The following SERPINE2 variants were observed in gnomAD, a reference collection of about 807,000 sequenced individuals.
The protein encoded by SERPINE2 is glia-derived nexin.
Under a neutral mutation model 36.3 loss-of-function variants are expected in SERPINE2, and 14 were observed. The observed-to-expected ratio is 0.39, with a 90% CI of 0.25 to 0.60. The LOEUF is 0.60. SERPINE2 is among the 20% of genes least tolerant of loss of function. The pLI is 0.57. For synonymous variants in SERPINE2, 192 were observed against 191.8 expected, an observed-to-expected ratio of 1.00 and a Z score of -0.01; for missense variants, 418 against 499.6, an observed-to-expected ratio of 0.84 and a Z score of 1.56.
chr2:224,002,536 A>C (rs2106165914), intron 1 of SERPINE2, among the ~76,000 whole-genome samples: 1 of 152,100 alleles, frequency 6.6e-6, no homozygotes, highest in Non-Finnish European at 1.5e-5. Context: ...TCTGCTGCCC[A>C]GGCTGGAGTG....
chr2:224,036,642 T>TAA lies in SERPINE2; in HGVS notation c.-23+2455_-23+2456dup, dbSNP rs59322455. Among the ~76,000 whole-genome samples, 1,423 of 142,710 alleles carry TAA rather than the reference T, an allele frequency of 1.0e-2. 27 individuals carry two copies. Among genetic ancestry groups the TAA allele is most frequent in the East Asian group, 0.061 (299 of 4,876 alleles). 93.6% of individuals were successfully genotyped at this position (142,710 alleles called of 152,430 possible). A position where few individuals can be genotyped will look rare whatever the true frequency, so the allele number is the denominator to read the frequency against. On this transcript the variant is annotated intron_variant, in intron 1 of 8. Coordinates refer to ENST00000409304, the MANE Select transcript of SERPINE2 (RefSeq NM_001136528.2). ...GAGCTTAAAGCATATTAATAAAAATTAAAAAAAAAAAAAAAAGATTGCTTG... is the reference window on the plus strand; with the variant it reads ...GAGCTTAAAGCATATTAATAAAAATTAAAAAAAAAAAAAAAAAAGATTGCTTG...
chr2:224,000,840 T>C (rs572994244), intron 2 of SERPINE2, among the ~76,000 whole-genome samples: 6 of 152,318 alleles, frequency 3.9e-5, no homozygotes, highest in Non-Finnish European at 7.4e-5. Context: ...GCTTCATCCA[T>C]GTCCCTGCAA....
At chr2:223,986,472 C>T (rs534442395) in intron 4 of SERPINE2, among the ~76,000 whole-genome samples, 16 of 152,024 alleles carry the variant, frequency 1.1e-4, no homozygotes, top group South Asian at 6.2e-4. Flanking sequence ...TCAGCAGAAA[C>T]GGAAAAATCA....
At chr2:224,006,689 G>A (rs973912091) in intron 1 of SERPINE2, among the ~76,000 whole-genome samples, 15 of 152,192 alleles carry the variant, frequency 9.9e-5, no homozygotes, top group African/African-American at 2.2e-4. Context: ...AGGTTGACCC[G>A]TGGGACTAAT....
chr2:223,999,157 TG>T (rs1260110958), intron 2 of SERPINE2, among the ~76,000 whole-genome samples: 5 of 152,168 alleles, frequency 3.3e-5, no homozygotes, highest in Non-Finnish European at 7.4e-5. Flanking sequence ...AAAATTACCA[TG>T]GGCCACCATC....
intron 1 of SERPINE2, among the ~76,000 whole-genome samples, chr2:224,019,263 GT>G (rs34907719): frequency 0.94 from 143,709 of 152,122 alleles, 68,237 homozygotes; most frequent in Non-Finnish European, 0.99. Flanking sequence ...AAAATATATT[GT>G]TTTTTATATA....
chr2:224,028,658 G>T (rs1473061366), intron 1 of SERPINE2, among the ~76,000 whole-genome samples: 2 of 152,200 alleles, frequency 1.3e-5, no homozygotes, highest in Non-Finnish European at 2.9e-5. Context: ...AACCAGGAAT[G>T]ATTTCTACCT....
intron 1 of SERPINE2, among the ~76,000 whole-genome samples, chr2:224,021,157 C>T (rs965836214): frequency 2.0e-5 from 3 of 152,126 alleles, no homozygotes; most frequent in Admixed American, 2.0e-4. Context: ...TAGCTGTTGC[C>T]CTGGCGTTAG....
At chr2:224,016,898 G>A (rs1287603013) in intron 1 of SERPINE2, among the ~76,000 whole-genome samples, 1 of 152,204 alleles carries the variant, frequency 6.6e-6, no homozygotes, top group Non-Finnish European at 1.5e-5. Flanking sequence ...GTAATTCCAT[G>A]TATATAACAT....
At chr2:224,034,475 A>G (rs840087) in intron 1 of SERPINE2, among the ~76,000 whole-genome samples, 94,512 of 151,814 alleles carry the variant, frequency 0.62, 29,824 homozygotes, top group South Asian at 0.71. Context: ...GGACAAGGCA[A>G]GGAGATGGGA....
chr2:224,021,186 T>G (rs754058266), intron 1 of SERPINE2, among the ~76,000 whole-genome samples: 5 of 152,174 alleles, frequency 3.3e-5, no homozygotes, highest in Non-Finnish European at 7.3e-5. Context: ...TTGACATTCT[T>G]GGCAGTTGAT....
At chr2:224,001,989 T>TTC in intron 1 of SERPINE2, 67 bp from the exon 2 acceptor site, 1 of 1,360,346 alleles carries the variant, frequency 7.4e-7, no homozygotes, top group Non-Finnish European at 9.7e-7. Context: ...TTTTTTTTTT[T>TTC]TCCCCCAGAT....
intron 4 of SERPINE2, among the ~76,000 whole-genome samples, chr2:223,991,173 T>C (rs749272843): frequency 6.6e-6 from 1 of 152,226 alleles, no homozygotes; most frequent in African/African-American, 2.4e-5. Flanking sequence ...TTTCCATTTA[T>C]ATAAATCTAA....
At chr2:224,002,130 C>A (rs189216452) in intron 1 of SERPINE2, among the ~76,000 whole-genome samples, 1 of 151,940 alleles carries the variant, frequency 6.6e-6, no homozygotes, top group Non-Finnish European at 1.5e-5. Context: ...GCGTGTACCA[C>A]CATACACGGC....
intron 8 of SERPINE2, among the ~76,000 whole-genome samples, chr2:223,976,196 G>C (rs111899800): frequency 6.6e-6 from 1 of 152,082 alleles, no homozygotes; most frequent in East Asian, 1.9e-4. Flanking sequence ...TGTCACCCAG[G>C]CTGGAGTACA....
chr2:224,033,187 A>G (rs185002412), intron 1 of SERPINE2, among the ~76,000 whole-genome samples: 81 of 152,328 alleles, frequency 5.3e-4, no homozygotes, highest in Non-Finnish European at 9.6e-4. Flanking sequence ...ATGGTTTGCA[A>G]AGAGAAGATG....
intron 1 of SERPINE2, among the ~76,000 whole-genome samples, chr2:224,023,101 A>T (rs1692066972): frequency 6.6e-6 from 1 of 152,250 alleles, no homozygotes; most frequent in Non-Finnish European, 1.5e-5. Flanking sequence ...ATTTCCTTAT[A>T]GCAAGGTGAG....
chr2:223,977,569 C>G lies in SERPINE2; in HGVS notation c.1131G>C (p.Leu377=). 1 of 1,612,846 alleles carries G rather than the reference C, an allele frequency of 6.2e-7. No homozygotes were observed. Among genetic ancestry groups the G allele is most frequent in the Non-Finnish European group, 8.5e-7 (1 of 1,178,888 alleles). The part of the protein sequence containing the change: ...PPWFIVDRPF[L]FFIRHNPTGA... ...CTGTAGGATTATGTCGGATGAAAAACAGAAAAGGTCTGTCTACTATAAACC... is the reference window on the plus strand; with the variant it reads ...CTGTAGGATTATGTCGGATGAAAAAGAGAAAAGGTCTGTCTACTATAAACC... The change falls in exon 8 of 9, where the codon CTG becomes CTC. Residue 377 remains leucine, a synonymous_variant. Coordinates refer to ENST00000409304, the MANE Select transcript of SERPINE2 (RefSeq NM_001136528.2).
chr2:223,987,056 G>C (rs1273497334), intron 4 of SERPINE2, among the ~76,000 whole-genome samples: 1 of 152,094 alleles, frequency 6.6e-6, no homozygotes, highest in African/African-American at 2.4e-5. Context: ...GGGGTTATAA[G>C]ACCTGTATTC....
Sources: allele counts gnomAD v4.1 joint callset (sites outside exome capture counted in the v4.1 genomes callset), GRCh38; gene constraint gnomAD v4.1.1; transcripts MANE v1.5; gene names NCBI Gene and HGNC (gene_info 2026-07-23, HGNC 2026-07-21).